PDE7B: variants seen among roughly 807,000 people sequenced by gnomAD.
PDE7B encodes 3',5'-cyclic-AMP phosphodiesterase 7B.
In PDE7B, 29 loss-of-function variants were observed where a neutral mutation model predicts 56.2. The observed-to-expected ratio is 0.52, with a 90% confidence interval of 0.38 to 0.70. The LOEUF (loss-of-function observed/expected upper bound fraction) is 0.70. Ranked by LOEUF, PDE7B falls within the 30% of genes least tolerant of loss-of-function variation. The pLI is 0.00. For missense variants in PDE7B, 490 were observed against 565.0 expected, an observed-to-expected ratio of 0.87 and a Z score of 1.35; for synonymous variants, 197 against 196.9, an observed-to-expected ratio of 1.00 and a Z score of 0.00.
chr6:136,048,089 T>TAGACAGACAGAC (rs66718715), intron 2 of PDE7B, among the ~76,000 whole-genome samples: 1 of 149,450 alleles, frequency 6.7e-6, no homozygotes, highest in African/African-American at 2.4e-5. Flanking sequence ...GATAGATAGA[T>TAGACAGACAGAC]AGACAGACAG....
intron 2 of PDE7B, among the ~76,000 whole-genome samples, chr6:136,093,100 G>T (rs2128216335): frequency 6.6e-6 from 1 of 152,246 alleles, no homozygotes; most frequent in African/African-American, 2.4e-5. Context: ...CAGTCAAGCT[G>T]GGAAAAAACA....
intron 2 of PDE7B, among the ~76,000 whole-genome samples, chr6:135,956,008 G>A (rs763735609): frequency 1.3e-5 from 2 of 152,188 alleles, no homozygotes; most frequent in East Asian, 1.9e-4. Context: ...TGGCGGTGGC[G>A]ACATAACAGA....
intron 2 of PDE7B, among the ~76,000 whole-genome samples, chr6:135,961,040 A>G (rs1337088222): frequency 6.6e-6 from 1 of 152,196 alleles, no homozygotes; most frequent in Non-Finnish European, 1.5e-5. Flanking sequence ...GGCAGTTTTC[A>G]TGCTACAAAA....
intron 2 of PDE7B, among the ~76,000 whole-genome samples, chr6:136,059,596 G>A (rs190936491): frequency 2.0e-5 from 3 of 152,264 alleles, no homozygotes; most frequent in Admixed American, 1.3e-4. Context: ...TGCTGCAGTT[G>A]AGCGGGAAAA....
Position 135,940,862 on chromosome 6 carries a change from C to T in PDE7B, c.22-6602C>T, listed in dbSNP as rs543037572. Among the ~76,000 whole-genome samples, 9 of 152,262 alleles carry T rather than the reference C, an allele frequency of 5.9e-5. No homozygotes were observed. In the South Asian group the frequency reaches 8.3e-4, roughly 14 times the overall value. On this transcript the variant is annotated intron_variant, in intron 1 of 12. Coordinates refer to ENST00000308191, the MANE Select transcript of PDE7B (RefSeq NM_018945.4). ...AACTTCAGAATAGCCCACAGAATTACGGTAAGGAATTATTCATTCATTCAT... is the reference window on the plus strand; with the variant it reads ...AACTTCAGAATAGCCCACAGAATTATGGTAAGGAATTATTCATTCATTCAT...
chr6:135,995,694 C>T (rs1352691117), intron 2 of PDE7B, among the ~76,000 whole-genome samples: 1 of 152,168 alleles, frequency 6.6e-6, no homozygotes, highest in Non-Finnish European at 1.5e-5. Flanking sequence ...GTCTGAGAGA[C>T]GTTCTTACCA....
At position 135,889,787 on chromosome 6, in the gene PDE7B, A is replaced by C. The variant is rs58313192; in HGVS notation, c.21+37768A>C. On this transcript the variant is annotated intron_variant, in intron 1 of 12. Transcript: ENST00000308191. ...TTTTTTTTTTTTGAGATGGAGTCTC[A>C]CTCTGTCACCCGGGAGTGCAAATGA... 2.1e-3 allele frequency among the ~76,000 whole-genome samples: 213 copies of C among 99,330 alleles called. 5 individuals carry two copies. In the East Asian group the frequency reaches 0.052, roughly 24 times the overall value. 65.2% of individuals were successfully genotyped at this position (99,330 alleles called of 152,430 possible). A position where few individuals can be genotyped will look rare whatever the true frequency, so the allele number is the denominator to read the frequency against.
chr6:136,165,872 A>C (rs970118167), intron 8 of PDE7B, among the ~76,000 whole-genome samples: 6 of 152,196 alleles, frequency 3.9e-5, no homozygotes, highest in Admixed American at 1.3e-4. Context: ...CCATAAGCCC[A>C]TTTAAAAACT....
At chr6:136,024,471 T>G (rs1003745016) in intron 2 of PDE7B, among the ~76,000 whole-genome samples, 4 of 152,188 alleles carry the variant, frequency 2.6e-5, no homozygotes. Flanking sequence ...TATTTTTCCT[T>G]TCTTTTTACC....
At chr6:135,891,664 T>C (rs1775812498) in intron 1 of PDE7B, among the ~76,000 whole-genome samples, 2 of 152,214 alleles carry the variant, frequency 1.3e-5, no homozygotes, top group South Asian at 4.1e-4. Context: ...TTCATTCATT[T>C]GGGTGTGGAA....
intron 2 of PDE7B, among the ~76,000 whole-genome samples, chr6:135,955,096 C>T (rs1311457003): frequency 6.6e-6 from 1 of 152,112 alleles, no homozygotes; most frequent in African/African-American, 2.4e-5. Context: ...CACAAAGCTA[C>T]ACTTCAGAAA....
intron 2 of PDE7B, among the ~76,000 whole-genome samples, chr6:136,056,990 G>A (rs1487635752): frequency 1.3e-5 from 2 of 152,076 alleles, no homozygotes; most frequent in Non-Finnish European, 2.9e-5. Flanking sequence ...GATGAGCTCT[G>A]GAGCCCAATG....
At chr6:136,128,110 C>A (rs1315013275) in intron 3 of PDE7B, among the ~76,000 whole-genome samples, 1 of 152,150 alleles carries the variant, frequency 6.6e-6, no homozygotes, top group Non-Finnish European at 1.5e-5. Context: ...AAATGTCGGG[C>A]AGGTCTTGCT....
chr6:136,019,994 G>A (rs927304701), intron 2 of PDE7B, among the ~76,000 whole-genome samples: 2 of 152,142 alleles, frequency 1.3e-5, no homozygotes, highest in Admixed American at 6.5e-5. Flanking sequence ...TATGCAGTTC[G>A]AACCTATGTT....
intron 1 of PDE7B, among the ~76,000 whole-genome samples, chr6:135,939,727 A>G (rs965394651): frequency 2.0e-5 from 3 of 152,288 alleles, no homozygotes; most frequent in Middle Eastern, 3.4e-3. Flanking sequence ...TGGCTTCAGC[A>G]GTAGGAGAAA....
intron 11 of PDE7B, among the ~76,000 whole-genome samples, chr6:136,184,865 TAAG>T (rs1779119893): frequency 6.6e-6 from 1 of 151,974 alleles, no homozygotes; most frequent in Non-Finnish European, 1.5e-5. Flanking sequence ...AAAGTTCTTC[TAAG>T]AGGGAGAAAC....
chr6:135,988,930 C>T (rs998565403), intron 2 of PDE7B, among the ~76,000 whole-genome samples: 1 of 152,098 alleles, frequency 6.6e-6, no homozygotes, highest in Non-Finnish European at 1.5e-5. Context: ...AAAATAAAAT[C>T]GATCTGTCTG....
chr6:135,911,987 T>C (rs1397534178), intron 1 of PDE7B, among the ~76,000 whole-genome samples: 1 of 152,186 alleles, frequency 6.6e-6, no homozygotes, highest in East Asian at 1.9e-4. Context: ...ATGGAATATT[T>C]TTGAAAAGAA....
chr6:136,116,843 G>A (rs952570453), intron 3 of PDE7B, among the ~76,000 whole-genome samples: 7 of 152,152 alleles, frequency 4.6e-5, no homozygotes, highest in Non-Finnish European at 1.0e-4. Context: ...TTGTTCAGGG[G>A]CCCCTGTATT....
Sources: gnomAD v4.1 joint callset for allele counts (sites outside exome capture counted in the v4.1 genomes callset) on GRCh38, gnomAD v4.1.1 for gene constraint, MANE v1.5 for transcripts, NCBI Gene and HGNC (gene_info 2026-07-23, HGNC 2026-07-21) for gene names.